Variants in KNL1 observed in about 807,000 individuals in gnomAD.
The protein encoded by KNL1 is outer kinetochore KNL1 complex subunit KNL1.
A neutral mutation model predicts 201.3 loss-of-function variants in KNL1; 66 were observed. That is an observed-to-expected ratio of 0.33 (90% CI 0.27 to 0.40). The LOEUF (loss-of-function observed/expected upper bound fraction) is 0.40, where lower values mean the gene tolerates loss of function less well. Among genes scored for constraint, KNL1 ranks in the 10% least tolerant of loss-of-function variants. KNL1 has a pLI of 1.00. For missense variants in KNL1, 2,815 were observed against 2,690.5 expected (o/e 1.05, Z -1.02); for synonymous variants, 895 against 899.2 (o/e 1.00, Z 0.08).
At chr15:40,614,456 C>T (rs1057014283) in intron 7 of KNL1, among the ~76,000 whole-genome samples, 2 of 151,952 alleles carry the variant, frequency 1.3e-5, no homozygotes, top group African/African-American at 4.8e-5. Flanking sequence ...TAGTCTCAAA[C>T]TCCTGACCTC....
intron 13 of KNL1, 22 bp from the exon 14 acceptor site, chr15:40,640,888 CAG>C (rs764728678): frequency 2.9e-6 from 4 of 1,391,934 alleles, no homozygotes; most frequent in Admixed American, 1.7e-5. Flanking sequence ...TACCAGTTCT[CAG>C]GGACTGAATT....
intron 13 of KNL1, among the ~76,000 whole-genome samples, chr15:40,638,539 T>C (rs1465250040): frequency 6.6e-6 from 1 of 152,062 alleles, no homozygotes; most frequent in Non-Finnish European, 1.5e-5. Context: ...TCACCTAGTC[T>C]GGAGTGCAAT....
rs578020110 is a variant in KNL1 at position 40,659,295 on chromosome 15, CTAT to C, written c.6714-39_6714-37del. 82 of 1,305,308 alleles carry C rather than the reference CTAT, an allele frequency of 6.3e-5. 1 individual carries two copies. The African/African-American group carries it at 1.2e-3, about 19-fold the overall frequency. 80.9% of individuals were successfully genotyped at this position (1,305,308 alleles called of 1,614,324 possible). The stretch of plus-strand genomic sequence containing the variant: ...AAAAAAAAAGAAATTGTGTTTCATG[CTAT>C]TATTTGTTGCATTTTTAATTGTGGA... On this transcript the variant is annotated intron_variant, in intron 24 of 25. Coordinates refer to ENST00000399668, the MANE Select transcript of KNL1 (RefSeq NM_144508.5).
chr15:40,618,830 G>GT (rs1892425626), intron 8 of KNL1, 129 bp from the exon 9 acceptor site: 4 of 547,880 alleles, frequency 7.3e-6, no homozygotes, highest in African/African-American at 5.6e-5. Flanking sequence ...AATTTAATAC[G>GT]TAAGTTCTTA....
At position 40,605,138 on chromosome 15, in the gene KNL1, C is replaced by A. The variant is rs376181535; in HGVS notation, c.64C>A (p.Arg22=). The A allele has an allele frequency of 6.8e-7, 1 of 1,469,824 alleles. No homozygotes were observed. Among genetic ancestry groups the A allele is most frequent in the East Asian group, 2.3e-5 (1 of 44,146 alleles). The allele number at this position is 1,469,824 out of a possible 1,614,324, so 91.0% of individuals were successfully genotyped here. The change falls in exon 3 of 26, where the codon CGG becomes AGG. Residue 22 remains arginine (R), a synonymous_variant. Transcript: ENST00000399668. Reference sequence around the variant, plus strand: ...CAATATAGAGAGACCTGTTAGAAGACGGCATTCTTCAGTAAGAAAGACTTT... The same window carrying A: ...CAATATAGAGAGACCTGTTAGAAGAAGGCATTCTTCAGTAAGAAAGACTTT... ...NDNIERPVRR[R]HSSILKPPRS...
rs866368330 is a variant in KNL1 at position 40,623,295 on chromosome 15, A to T, written c.3031A>T (p.Asn1011Tyr). 1.2e-6 allele frequency: 2 copies of T among 1,613,932 alleles called. No homozygotes were observed. The highest frequency in any genetic ancestry group is 1.3e-5 in the African/African-American group (1 of 75,034). ...TGGTGAAAGTGACCGTCTAGTAGCA[A>T]ATGACAGCCAGCTAACCCCTCTGGA... ...GNGESDRLVA[N>Y]DSQLTPLEEW... Residue 1011 changes from asparagine to tyrosine, a missense_variant, in exon 10 of 26, where the codon AAT (asparagine) becomes TAT (tyrosine). Asn to Tyr is a moderately radical substitution (Grantham distance 143). This residue lies in a region of KNL1 where 2,464 missense variants were observed against 2,291.7 expected (regional missense o/e 1.08). Coordinates refer to ENST00000399668, the MANE Select transcript of KNL1 (RefSeq NM_144508.5).
chr15:40,620,371 T>A (rs978177901), intron 9 of KNL1, among the ~76,000 whole-genome samples: 7 of 151,992 alleles, frequency 4.6e-5, no homozygotes, highest in African/African-American at 1.7e-4. Context: ...ATGCCTGGCT[T>A]ATTTTCTTTT....
chr15:40,628,539 T>C (rs1892814844), intron 11 of KNL1, 72 bp from the exon 12 acceptor site: 14 of 1,067,490 alleles, frequency 1.3e-5, no homozygotes, highest in Admixed American at 4.1e-5. Flanking sequence ...AGAAACAATC[T>C]GAATGATAAC....
intron 13 of KNL1, among the ~76,000 whole-genome samples, chr15:40,635,481 A>T (rs1204918172): frequency 6.6e-6 from 1 of 152,030 alleles, no homozygotes; most frequent in Non-Finnish European, 1.5e-5. Context: ...CAGCCTCCCA[A>T]GTAGCTAGGA....
Position 40,621,897 on chromosome 15 carries a change from G to C in KNL1, c.1633G>C (p.Glu545Gln), listed in dbSNP as rs1567007686. Residue 545 changes from glutamate (E) to glutamine (Q), a missense_variant, in exon 10 of 26, where the codon GAA becomes CAA. Around this residue, in one of 3 missense-constraint regions of KNL1, gnomAD observed 2,464 missense variants for 2,291.7 expected, o/e 1.08. Transcript: ENST00000399668. Reference sequence around the variant, plus strand: ...TAACTCAGTTCCTCATGTATCTAAGGAAAGAATACAGCAGAGCCTGTCAAA... The same window carrying C: ...TAACTCAGTTCCTCATGTATCTAAGCAAAGAATACAGCAGAGCCTGTCAAA... ...NCNSVPHVSK[E>Q]RIQQSLSNPL... The C allele has an allele frequency of 3.1e-6, 5 of 1,613,720 alleles. No individual in the cohort carries two copies. The Admixed American group carries it at 8.3e-5, about 27-fold the overall frequency.
intron 14 of KNL1, 29 bp downstream of exon 14, chr15:40,641,056 T>A: frequency 7.1e-7 from 1 of 1,414,566 alleles, no homozygotes; most frequent in Non-Finnish European, 9.9e-7. Flanking sequence ...TTATGTGTGT[T>A]TTTTTGAGGG....
chr15:40,627,368 G>A (rs1892784949), intron 10 of KNL1, among the ~76,000 whole-genome samples: 1 of 152,058 alleles, frequency 6.6e-6, no homozygotes, highest in Non-Finnish European at 1.5e-5. Context: ...CAAAAAATTA[G>A]CCAGGCATGG....
intron 22 of KNL1, among the ~76,000 whole-genome samples, chr15:40,656,645 G>A (rs1893742996): frequency 6.6e-6 from 1 of 152,154 alleles, no homozygotes; most frequent in African/African-American, 2.4e-5. Flanking sequence ...CAGCACTTTG[G>A]GAGGCCAAGG....
At chr15:40,606,069 A>G in intron 3 of KNL1, among the ~76,000 whole-genome samples, 1 of 152,202 alleles carries the variant, frequency 6.6e-6, no homozygotes, top group Non-Finnish European at 1.5e-5. Flanking sequence ...TCAAGTCCTC[A>G]TTCCTGAACA....
Position 40,651,413 on chromosome 15 carries a change from A to C in KNL1, c.6213-58A>C, listed in dbSNP as rs73394793. ...TTCTTATCATAAACCTTTTATATTG[A>C]TAGAGTGAATTCTCTAACAAAAACC... is the stretch of plus-strand genomic sequence containing the variant. On this transcript the variant is annotated intron_variant, in intron 19 of 25. Transcript: ENST00000399668. 1.5e-3 allele frequency: 1,730 copies of C among 1,125,620 alleles called. 20 individuals carry two copies. In the African/African-American group the frequency reaches 0.025, roughly 16 times the overall value. The allele number at this position is 1,125,620 out of a possible 1,614,324, so 69.7% of individuals were successfully genotyped here. A position where few individuals can be genotyped will look rare whatever the true frequency, so the allele number is the denominator to read the frequency against.
In KNL1 at chr15:40,610,294, G is replaced by A. The variant is rs975556428; in HGVS notation, c.247G>A (p.Glu83Lys). The change falls in exon 6 of 26, where the codon GAA (glutamate) becomes AAA (lysine). Residue 83 changes from glutamate to lysine, a missense_variant. Coordinates refer to ENST00000399668, the MANE Select transcript of KNL1 (RefSeq NM_144508.5). ...GAAAATAGTGAGAAAGTCAGAAATG[G>A]AAGGTAAGTATGTTACTATAATTCC... ...HMKIVRKSEM[E>K]ETETGENLLL... 14 of 1,483,946 alleles carry A rather than the reference G, an allele frequency of 9.4e-6. No homozygotes were observed. The highest frequency in any genetic ancestry group is 1.7e-5 in the Admixed American group (1 of 59,672). 91.9% of individuals were successfully genotyped at this position (1,483,946 alleles called of 1,614,324 possible). A position where few individuals can be genotyped will look rare whatever the true frequency, so the allele number is the denominator to read the frequency against.
chr15:40,629,495 CTTTTTTTTTT>C (rs386382806), intron 13 of KNL1, 124 bp downstream of exon 13: 2 of 175,606 alleles, frequency 1.1e-5, no homozygotes, highest in Non-Finnish European at 1.9e-5. Flanking sequence ...TTTGCCTTTT[CTTTTTTTTTT>C]TTTTTTTTTT....
rs773658713 is a variant in KNL1 at position 40,620,731 on chromosome 15, G to C, written c.467G>C (p.Ser156Thr). 1.2e-6 allele frequency: 2 copies of C among 1,611,394 alleles called. No individual in the cohort carries two copies. Among genetic ancestry groups the C allele is most frequent in the South Asian group, 2.2e-5 (2 of 90,730 alleles). The part of the protein sequence containing the change: ...SDENQMDLTS[S>T]HTVMITKGLL... ...GAAAACCAGATGGACCTGACATCAA[G>C]TCACACTGTAATGATTACCAAAGGC... is the stretch of plus-strand genomic sequence containing the variant. The change falls in exon 10 of 26, where the codon AGT becomes ACT. Residue 156 changes from serine to threonine, a missense_variant. Physicochemically the swap from Ser to Thr is moderately conservative, Grantham distance 58 (BLOSUM62 1). Coordinates refer to ENST00000399668, the MANE Select transcript of KNL1 (RefSeq NM_144508.5).
chr15:40,641,125 G>A (rs1265288208), intron 14 of KNL1, 98 bp downstream of exon 14: 7 of 764,160 alleles, frequency 9.2e-6, no homozygotes, highest in African/African-American at 1.8e-5. Context: ...CTGGCATGGG[G>A]TAAAATTGAT....
Sources: allele counts gnomAD v4.1 joint callset (sites outside exome capture counted in the v4.1 genomes callset), GRCh38; gene constraint gnomAD v4.1.1; regional missense constraint gnomAD v4.1.1; transcripts MANE v1.5; gene names NCBI Gene and HGNC (gene_info 2026-07-23, HGNC 2026-07-21).